The following UBN2 variants were observed in gnomAD, a reference collection of about 807,000 sequenced individuals.
The protein encoded by UBN2 is ubinuclein-2.
In UBN2, 35 loss-of-function variants were observed where a neutral mutation model predicts 120.2. The observed-to-expected ratio is 0.29, with a 90% confidence interval of 0.22 to 0.39. UBN2 has a LOEUF of 0.39. Ranked by LOEUF, UBN2 falls within the 10% of genes least tolerant of loss-of-function variation. The probability of loss-of-function intolerance (pLI) is 1.00; values close to 1 mark genes in which losing one functional copy is unlikely to be tolerated. For synonymous variants in UBN2, 661 were observed against 648.7 expected, an observed-to-expected ratio of 1.02 and a Z score of -0.29; for missense variants, 1,693 against 1,663.2, an observed-to-expected ratio of 1.02 and a Z score of -0.31.
At chr7:139,281,969 C>T (rs775701430) in intron 13 of UBN2, 36 bp from the exon 14 acceptor site, 5 of 1,595,866 alleles carry the variant, frequency 3.1e-6, no homozygotes, top group East Asian at 4.5e-5. Flanking sequence ...TAGAGTGTAA[C>T]AGTATTCTTA....
the UBN2 span, among the ~76,000 whole-genome samples, chr7:139,313,743 TAAGA>T: frequency 6.6e-6 from 1 of 152,204 alleles, no homozygotes; most frequent in African/African-American, 2.4e-5. Flanking sequence ...TTTATGAACT[TAAGA>T]AAGTTCTATT....
downstream of UBN2, among the ~76,000 whole-genome samples, chr7:139,310,293 A>G (rs958421525): frequency 6.7e-6 from 1 of 148,282 alleles, no homozygotes; most frequent in Non-Finnish European, 1.5e-5. Context: ...GCAACAGAGC[A>G]AGACCCTGTG....
chr7:139,264,827 T>C (rs1585006280), intron 6 of UBN2, among the ~76,000 whole-genome samples: 1 of 152,136 alleles, frequency 6.6e-6, no homozygotes, highest in Non-Finnish European at 1.5e-5. Context: ...GACCTCATGA[T>C]CCACCCGCTT....
chr7:139,296,692 C>T (rs1798118302), intron 17 of UBN2, among the ~76,000 whole-genome samples: 1 of 152,170 alleles, frequency 6.6e-6, no homozygotes. Flanking sequence ...AAGTAATCAA[C>T]ATTTTTTCTG....
chr7:139,276,928 G>A (rs1351209599), intron 12 of UBN2: 1 of 153,618 alleles, frequency 6.5e-6, no homozygotes, highest in Non-Finnish European at 1.4e-5. Flanking sequence ...GCCAGGCATG[G>A]TGTGTGTGCC....
chr7:139,276,200 G>A, intron 12 of UBN2, 53 bp downstream of exon 12: 1 of 1,500,714 alleles, frequency 6.7e-7, no homozygotes. Context: ...ATGTGCTTTA[G>A]TGAACAAAAG....
At chr7:139,316,111 G>GAAAAAA in the UBN2 span, among the ~76,000 whole-genome samples, 1 of 92,506 alleles carries the variant, frequency 1.1e-5, no homozygotes, top group Non-Finnish European at 2.0e-5. Flanking sequence ...AAAAAAAGGG[G>GAAAAAA]TTCCAGTTCT....
intron 2 of UBN2, among the ~76,000 whole-genome samples, chr7:139,250,232 T>C (rs1796587443): frequency 6.6e-6 from 1 of 151,962 alleles, no homozygotes; most frequent in South Asian, 2.1e-4. Context: ...CCAGACCTTG[T>C]GTCATTTTTT....
At chr7:139,276,275 G>T in intron 12 of UBN2, 128 bp downstream of exon 12, 1 of 887,514 alleles carries the variant, frequency 1.1e-6, no homozygotes, top group Non-Finnish European at 1.8e-6. Context: ...TGACTATTTA[G>T]ACTTCAGAAC....
At position 139,283,489 on chromosome 7, in the gene UBN2, A is replaced by G. The variant is rs1376904011; in HGVS notation, c.2584A>G (p.Ile862Val). Reference protein sequence around the residue: ...ISSGLIAGSSIQNPKVSLEPL... With the variant: ...ISSGLIAGSSVQNPKVSLEPL... The stretch of plus-strand genomic sequence containing the variant: ...TTCAGGCCTTATTGCTGGTTCTTCC[A>G]TTCAGAACCCTAAAGTTTCTTTAGA... The change falls in exon 15 of 18, where the codon ATT (isoleucine) becomes GTT (valine). Residue 862 changes from isoleucine (I) to valine (V), a missense_variant. Coordinates refer to ENST00000473989, the MANE Select transcript of UBN2 (RefSeq NM_173569.4). 18 of 1,613,988 alleles carry G rather than the reference A, an allele frequency of 1.1e-5. No homozygotes were observed. Among genetic ancestry groups the G allele is most frequent in the African/African-American group, 2.7e-5 (2 of 74,892 alleles).
At chr7:139,291,731 G>A (rs889771226) in intron 15 of UBN2, among the ~76,000 whole-genome samples, 5 of 152,180 alleles carry the variant, frequency 3.3e-5, no homozygotes, top group African/African-American at 1.2e-4. Context: ...ACGCCTGTCT[G>A]TAGTCCCAGC....
At chr7:139,293,762 G>C (rs1289218901) in intron 16 of UBN2, 127 bp from the exon 17 acceptor site, 1 of 818,000 alleles carries the variant, frequency 1.2e-6, no homozygotes, top group African/African-American at 1.7e-5. Context: ...TCAAAAACGT[G>C]CTCTAGTTTT....
intron 15 of UBN2, among the ~76,000 whole-genome samples, chr7:139,292,477 G>C (rs1350551920): frequency 1.3e-5 from 2 of 152,186 alleles, no homozygotes; most frequent in South Asian, 4.1e-4. Context: ...ACCTCAAGGA[G>C]TGTAATTTCA....
chr7:139,268,516 A>T (rs1563215148), intron 7 of UBN2, among the ~76,000 whole-genome samples: 2 of 150,346 alleles, frequency 1.3e-5, no homozygotes, highest in East Asian at 1.9e-4. Flanking sequence ...GGAATAGGGA[A>T]CCCCCCCTTT....
chr7:139,281,654 G>A (rs1292005049), intron 13 of UBN2, among the ~76,000 whole-genome samples: 5 of 152,256 alleles, frequency 3.3e-5, no homozygotes, highest in Non-Finnish European at 7.4e-5. Context: ...TTCTATTAGA[G>A]TGGATTTAAT....
At chr7:139,272,674 G>A (rs1404629635) in intron 9 of UBN2, among the ~76,000 whole-genome samples, 2 of 151,984 alleles carry the variant, frequency 1.3e-5, no homozygotes, top group African/African-American at 4.8e-5. Context: ...TTACAGACAC[G>A]TGCCACCACA....
chr7:139,260,645 G>A (rs886183998), intron 5 of UBN2, among the ~76,000 whole-genome samples: 2 of 151,984 alleles, frequency 1.3e-5, no homozygotes, highest in Non-Finnish European at 2.9e-5. Flanking sequence ...GATGTCGGGC[G>A]TATTTCTCCC....
the UBN2 span, among the ~76,000 whole-genome samples, chr7:139,322,830 G>A: frequency 2.0e-5 from 3 of 152,024 alleles, no homozygotes; most frequent in Admixed American, 6.5e-5. Context: ...GGGCCACCAC[G>A]CCAGGCTGGA....
intron 15 of UBN2, among the ~76,000 whole-genome samples, chr7:139,289,445 C>T (rs1563226807): frequency 7.8e-6 from 1 of 128,304 alleles, no homozygotes. Context: ...CAGGGTCTCA[C>T]TCTGTTGCCC....
Sources: allele counts gnomAD v4.1 joint callset (sites outside exome capture counted in the v4.1 genomes callset), GRCh38; gene constraint gnomAD v4.1.1; transcripts MANE v1.5; gene names NCBI Gene and HGNC (gene_info 2026-07-23, HGNC 2026-07-21).